GRIK2: variants seen among roughly 807,000 people sequenced by gnomAD.
The protein encoded by GRIK2 is glutamate ionotropic receptor kainate type subunit 2.
In GRIK2, 32 loss-of-function variants were observed where a neutral mutation model predicts 100.3. The ratio of observed to expected loss-of-function variants is 0.32; its 90% CI spans 0.24 to 0.43. The LOEUF (loss-of-function observed/expected upper bound fraction) is 0.43. Ranked by LOEUF, GRIK2 falls within the 20% of genes least tolerant of loss-of-function variation. The pLI is 1.00. For missense variants in GRIK2, 843 were observed against 1,114.9 expected (o/e 0.76, Z 3.47); for synonymous variants, 417 against 389.4 (o/e 1.07, Z -0.83).
chr6:102,009,554 G>A (rs1243103725), intron 14 of GRIK2, among the ~76,000 whole-genome samples: 3 of 152,028 alleles, frequency 2.0e-5, no homozygotes, highest in African/African-American at 7.2e-5. Context: ...TGCAGTAAAG[G>A]GAAGTAATAG....
intron 15 of GRIK2, among the ~76,000 whole-genome samples, chr6:102,053,274 T>C (rs1771296715): frequency 6.6e-6 from 1 of 152,150 alleles, no homozygotes; most frequent in Non-Finnish European, 1.5e-5. Flanking sequence ...CTCTTCCCCA[T>C]TAAGTAAGCA....
chr6:101,968,860 A>G (rs1488897105), intron 14 of GRIK2, among the ~76,000 whole-genome samples: 1 of 152,040 alleles, frequency 6.6e-6, no homozygotes. Context: ...CCTTATCTTC[A>G]TAATAGATGC....
chr6:101,984,896 A>C (rs989145393), intron 14 of GRIK2, among the ~76,000 whole-genome samples: 6 of 151,736 alleles, frequency 4.0e-5, no homozygotes, highest in African/African-American at 1.4e-4. Context: ...ATAGTAATAC[A>C]TAGATAGCCA....
At chr6:101,709,406 C>T (rs1485567766) in intron 7 of GRIK2, among the ~76,000 whole-genome samples, 1 of 151,776 alleles carries the variant, frequency 6.6e-6, no homozygotes, top group African/African-American at 2.4e-5. Flanking sequence ...CTTCTTTACC[C>T]TCATAGTCAC....
At chr6:101,771,682 CT>C (rs1778416233) in intron 7 of GRIK2, among the ~76,000 whole-genome samples, 1 of 112,492 alleles carries the variant, frequency 8.9e-6, no homozygotes, top group African/African-American at 3.4e-5. Context: ...TCCCTCCCCC[CT>C]CCCCCCACCC....
At chr6:101,693,294 T>G (rs1772239418) in intron 7 of GRIK2, among the ~76,000 whole-genome samples, 1 of 152,144 alleles carries the variant, frequency 6.6e-6, no homozygotes, top group South Asian at 2.1e-4. Context: ...TCAAGAGAGA[T>G]TTTTTCCCCT....
At chr6:102,001,523 A>G (rs775906633) in intron 14 of GRIK2, among the ~76,000 whole-genome samples, 1 of 152,090 alleles carries the variant, frequency 6.6e-6, no homozygotes, top group African/African-American at 2.4e-5. Context: ...ATGTCCCTGC[A>G]AAGGACATGA....
At chr6:101,686,413 A>T (rs1231890607) in intron 7 of GRIK2, 60 bp downstream of exon 7, 4 of 1,302,640 alleles carry the variant, frequency 3.1e-6, no homozygotes, top group Non-Finnish European at 4.4e-6. Context: ...CATACATATG[A>T]ACTTCTGGGT....
chr6:101,540,636 C>T (rs544632571), intron 2 of GRIK2, among the ~76,000 whole-genome samples: 267 of 152,048 alleles, frequency 1.8e-3, no homozygotes, highest in Admixed American at 2.6e-3. Context: ...AAATATGAAA[C>T]TACAGTCTTG....
intron 13 of GRIK2, among the ~76,000 whole-genome samples, chr6:101,926,736 G>C (rs1396127043): frequency 2.0e-5 from 3 of 152,112 alleles, no homozygotes; most frequent in Non-Finnish European, 2.9e-5. Flanking sequence ...GAATTAGTGG[G>C]ATATAGTGCT....
chr6:101,926,578 T>A (rs1441449400), intron 13 of GRIK2, among the ~76,000 whole-genome samples: 1 of 152,210 alleles, frequency 6.6e-6, no homozygotes, highest in South Asian at 2.1e-4. Flanking sequence ...GAGGTAAAAC[T>A]CTATGTTATT....
chr6:101,610,920 T>A (rs1029876196), intron 2 of GRIK2, among the ~76,000 whole-genome samples: 1 of 151,836 alleles, frequency 6.6e-6, no homozygotes, highest in Non-Finnish European at 1.5e-5. Context: ...ATCTTGATAC[T>A]ATTCAAGCGT....
intron 11 of GRIK2, among the ~76,000 whole-genome samples, chr6:101,884,204 T>A (rs1786459725): frequency 6.6e-6 from 1 of 152,180 alleles, no homozygotes; most frequent in Non-Finnish European, 1.5e-5. Context: ...CATGTGACAT[T>A]ATATTGAATA....
At chr6:101,900,150 A>G (rs959849193) in intron 12 of GRIK2, among the ~76,000 whole-genome samples, 1 of 152,146 alleles carries the variant, frequency 6.6e-6, no homozygotes, top group African/African-American at 2.4e-5. Flanking sequence ...GTTTTAAATC[A>G]TCCACCTAAG....
intron 16 of GRIK2, among the ~76,000 whole-genome samples, chr6:102,057,995 A>G (rs967163506): frequency 2.2e-4 from 34 of 151,732 alleles, no homozygotes; most frequent in African/African-American, 8.0e-4. Context: ...TTCATTTCCT[A>G]TTGCAATGAA....
intron 10 of GRIK2, among the ~76,000 whole-genome samples, chr6:101,833,129 T>C (rs1363364550): frequency 2.0e-5 from 3 of 152,040 alleles, no homozygotes; most frequent in African/African-American, 7.3e-5. Flanking sequence ...ATGGAAATGC[T>C]CCTGTATTTA....
intron 2 of GRIK2, among the ~76,000 whole-genome samples, chr6:101,445,123 C>T (rs1028004480): frequency 6.6e-6 from 1 of 152,102 alleles, no homozygotes; most frequent in African/African-American, 2.4e-5. Context: ...CCTTGATCTG[C>T]ACTATCCTAC....
intron 2 of GRIK2, among the ~76,000 whole-genome samples, chr6:101,619,757 G>A (rs1295241451): frequency 6.6e-6 from 1 of 151,902 alleles, no homozygotes; most frequent in Non-Finnish European, 1.5e-5. Context: ...GTCTTATTAA[G>A]TCATCTTATC....
chr6:102,036,494 A>G (rs532374913), intron 15 of GRIK2, among the ~76,000 whole-genome samples: 4 of 151,442 alleles, frequency 2.6e-5, no homozygotes, highest in Admixed American at 6.6e-5. Flanking sequence ...GGTGCGTCCA[A>G]TGTAATCACA....
Sources: allele counts gnomAD v4.1 joint callset (sites outside exome capture counted in the v4.1 genomes callset), GRCh38; gene constraint gnomAD v4.1.1; transcripts MANE v1.5; gene names NCBI Gene and HGNC (gene_info 2026-07-23, HGNC 2026-07-21).